The following ZNF540 variants were observed in gnomAD, a reference collection of about 807,000 sequenced individuals.
ZNF540 encodes the protein zinc finger protein 540, also known as CTD-3064H18.6.
ZNF540 carries 3 observed loss-of-function variants against 11.8 expected under a neutral mutation model. That is an observed-to-expected ratio of 0.25 (90% CI 0.12 to 0.65). The LOEUF is 0.65. Ranked by LOEUF, ZNF540 falls within the 30% of genes least tolerant of loss-of-function variation. The pLI is 0.83. For synonymous variants in ZNF540, 247 were observed against 259.0 expected (o/e 0.95, Z 0.45); for missense variants, 709 against 793.1 (o/e 0.89, Z 1.27).
upstream of ZNF540, among the ~76,000 whole-genome samples, chr19:37,591,984 G>A (rs111583481): frequency 1.7e-3 from 264 of 152,144 alleles, no homozygotes; most frequent in Non-Finnish European, 3.1e-3. Flanking sequence ...TGGGCCAGGC[G>A]CGGTGCCTCA....
intron 1 of ZNF540, chr19:37,562,366 A>G (rs1239819690): frequency 6.7e-6 from 1 of 148,290 alleles, no homozygotes; most frequent in Non-Finnish European, 1.5e-5. Flanking sequence ...GAGCAACAAG[A>G]GCGAAACTCC....
chr19:37,585,943 A>AC (rs1377736117), intron 1 of ZNF540: 1 of 152,186 alleles, frequency 6.6e-6, no homozygotes, highest in Non-Finnish European at 1.5e-5. Flanking sequence ...TGGAAGCCAC[A>AC]CCCCAGGGAT....
chr19:37,561,754 T>C (rs753254790), intron 1 of ZNF540, among the ~76,000 whole-genome samples: 1 of 152,240 alleles, frequency 6.6e-6, no homozygotes, highest in African/African-American at 2.4e-5. Context: ...GTATGTTTGA[T>C]GGTAGAAGGG....
At chr19:37,599,217 A>C (rs1388871660) in intron 2 of ZNF540, among the ~76,000 whole-genome samples, 2 of 152,174 alleles carry the variant, frequency 1.3e-5, no homozygotes, top group Non-Finnish European at 2.9e-5. Context: ...TAAAGGAAAA[A>C]GAGGATATAG....
chr19:37,575,690 GGCTAACCA>G (rs1411476600), intron 1 of ZNF540: 1 of 152,146 alleles, frequency 6.6e-6, no homozygotes, highest in Non-Finnish European at 1.5e-5. Context: ...GTGGACTAAT[GGCTAACCA>G]GTCCATGATC....
At chr19:37,559,000 C>T (rs1422216390) in intron 1 of ZNF540, among the ~76,000 whole-genome samples, 2 of 152,170 alleles carry the variant, frequency 1.3e-5, no homozygotes, top group African/African-American at 4.8e-5. Context: ...TGCACCACCA[C>T]ACCTGGCTAA....
chr19:37,566,420 T>C, intron 1 of ZNF540: 1 of 1,088,290 alleles, frequency 9.2e-7, no homozygotes. Flanking sequence ...AGAAATATTT[T>C]CTGCCATTTT....
chr19:37,600,784 A>C (rs73033139), intron 3 of ZNF540, among the ~76,000 whole-genome samples: 25,458 of 152,026 alleles, frequency 0.17, 2,445 homozygotes, highest in Middle Eastern at 0.3. Flanking sequence ...TTCCAAAATG[A>C]ATTAAAATTC....
chr19:37,590,285 T>C (rs1041614135), upstream of ZNF540, among the ~76,000 whole-genome samples: 5 of 151,720 alleles, frequency 3.3e-5, no homozygotes, highest in South Asian at 6.3e-4. Flanking sequence ...GGCGTGGTGG[T>C]GGGCACCTGT....
In ZNF540 at chr19:37,612,789, C is replaced by T. The variant is rs1167767539; in HGVS notation, c.1509C>T (p.Thr503=). 1 of 1,613,970 alleles carries T rather than the reference C, an allele frequency of 6.2e-7. No homozygotes were observed. The highest frequency in any genetic ancestry group is 8.5e-7 in the Non-Finnish European group (1 of 1,179,990). The change falls in exon 5 of 5, where the codon ACC becomes ACT. Residue 503 remains threonine, a synonymous_variant. Transcript: ENST00000316433. ...ACAAATGTGTACGATGTGGGAAGAC[C>T]TTTAGATTTGGTTTCTACCTTACTG... ...KPYKCVRCGK[T]FRFGFYLTEH... is the part of the protein sequence containing the mutation.
chr19:37,562,748 T>A (rs2042731897), intron 1 of ZNF540: 1 of 152,244 alleles, frequency 6.6e-6, no homozygotes, highest in East Asian at 1.9e-4. Context: ...ACTAATGTAT[T>A]ACATTTATTG....
chr19:37,586,944 T>A, intron 1 of ZNF540: 1 of 459,556 alleles, frequency 2.2e-6, no homozygotes, highest in Non-Finnish European at 3.8e-6. Context: ...GGACCCTAGG[T>A]GCTGTTACTT....
intron 1 of ZNF540, chr19:37,565,821 C>A: frequency 6.2e-7 from 1 of 1,613,798 alleles, no homozygotes; most frequent in Admixed American, 1.7e-5. Context: ...CGACCAAAGG[C>A]CTTTCCACAT....
chr19:37,553,113 C>CTTTTTTTTTTTTTTTTTTTTT lies in ZNF540; in HGVS notation c.-73+1466_-73+1486dup, dbSNP rs746114598. On this transcript the variant is annotated intron_variant, in intron 1 of 4. Coordinates refer to the ZNF540 transcript ENST00000592533. ...AATCTTTTTTTATATAACCTAACATCTTTTTTTTTTTTTTTTTTTTTTTTT... is the reference window on the plus strand; with the variant it reads ...AATCTTTTTTTATATAACCTAACATCTTTTTTTTTTTTTTTTTTTTTTTTTTTTTTTTTTTTTTTTTTTTTT... Among the ~76,000 whole-genome samples the CTTTTTTTTTTTTTTTTTTTTT allele has an allele frequency of 9.1e-5, 3 of 33,098 alleles. 1 individual carries two copies. Among genetic ancestry groups the CTTTTTTTTTTTTTTTTTTTTT allele is most frequent in the African/African-American group, 1.2e-4 (1 of 8,366 alleles). The allele number at this position is 33,098 out of a possible 152,430, so 21.7% of individuals were successfully genotyped here.
At chr19:37,603,004 C>CTTT (rs569985494) in intron 4 of ZNF540, among the ~76,000 whole-genome samples, 39 of 113,206 alleles carry the variant, frequency 3.4e-4, no homozygotes, top group African/African-American at 6.1e-4. Context: ...TGTAAGGAGT[C>CTTT]TTTTTTTTTT....
chr19:37,561,155 C>T lies in ZNF540; in HGVS notation c.-73+9490C>T, dbSNP rs185597391. On this transcript the variant is annotated intron_variant, in intron 1 of 4. Coordinates refer to the ZNF540 transcript ENST00000592533. Reference sequence around the variant, plus strand: ...ACTTGGAAGGTTGAAGCAGGAGGATCACTTGAGCCCAGGAGTTTGATGCTG... The same window carrying T: ...ACTTGGAAGGTTGAAGCAGGAGGATTACTTGAGCCCAGGAGTTTGATGCTG... 3.3e-4 allele frequency among the ~76,000 whole-genome samples: 50 copies of T among 151,288 alleles called. No homozygotes were observed. The East Asian group carries it at 6.8e-3, about 21-fold the overall frequency.
intron 1 of ZNF540, chr19:37,586,468 A>G (rs2043676321): frequency 1.6e-6 from 1 of 620,572 alleles, no homozygotes; most frequent in Non-Finnish European, 2.9e-6. Flanking sequence ...CTGCTGAATG[A>G]ATATCTGAAA....
intron 1 of ZNF540, among the ~76,000 whole-genome samples, chr19:37,587,500 C>T (rs979219190): frequency 2.6e-5 from 4 of 152,188 alleles, no homozygotes; most frequent in Admixed American, 6.5e-5. Context: ...AGCCAATGTG[C>T]GCACAGCACG....
chr19:37,602,616 G>A (rs1431062884), intron 4 of ZNF540, among the ~76,000 whole-genome samples: 1 of 152,142 alleles, frequency 6.6e-6, no homozygotes, highest in East Asian at 1.9e-4. Context: ...GGGAGCCAGA[G>A]GAGAAAGAGA....
Sources: gnomAD v4.1 joint callset for allele counts (sites outside exome capture counted in the v4.1 genomes callset) on GRCh38, gnomAD v4.1.1 for gene constraint, MANE v1.5 for transcripts, NCBI Gene and HGNC (gene_info 2026-07-23, HGNC 2026-07-21) for gene names.